The following KIF26B variants were observed in gnomAD, a reference collection of about 807,000 sequenced individuals.
KIF26B encodes kinesin family member 26B, also known as kinesin-like protein KIF26B.
Under a neutral mutation model 151.2 loss-of-function variants are expected in KIF26B, and 63 were observed. The observed-to-expected ratio is 0.42, with a 90% CI of 0.34 to 0.51. The LOEUF (loss-of-function observed/expected upper bound fraction) is 0.51. KIF26B is among the 20% of genes least tolerant of loss of function. The probability of loss-of-function intolerance (pLI) is 0.07; values close to 1 mark genes in which losing one functional copy is unlikely to be tolerated. For missense variants in KIF26B, 2,813 were observed against 2,913.6 expected, an observed-to-expected ratio of 0.97 and a Z score of 0.79; for synonymous variants, 1,357 against 1,262.1, an observed-to-expected ratio of 1.08 and a Z score of -1.59.
At chr1:245,679,258 C>T (rs927898408) in intron 10 of KIF26B, among the ~76,000 whole-genome samples, 1 of 152,030 alleles carries the variant, frequency 6.6e-6, no homozygotes, top group African/African-American at 2.4e-5. Flanking sequence ...GGCAGTGTGC[C>T]AGCTTGGGCC....
At position 245,375,872 on chromosome 1, in the gene KIF26B, A is replaced by G. The variant is rs1429784911; in HGVS notation, c.999+8505A>G. 6.6e-6 allele frequency among the ~76,000 whole-genome samples: 1 copy of G among 152,180 alleles called. No homozygotes were observed. The highest frequency in any genetic ancestry group is 1.5e-5 in the Non-Finnish European group (1 of 68,030). On this transcript the variant is annotated intron_variant, in intron 3 of 14. Transcript: ENST00000407071. The surrounding 1 kb of genome is among the most constrained non-coding windows in gnomAD (Gnocchi z 4.2). ...CGTTACCCTGCGGATCGGCCGGTCC[A>G]TGCACAAGTCAGATTCTTTCATCTG...
chr1:245,322,159 A>C (rs1671898540), intron 2 of KIF26B, among the ~76,000 whole-genome samples: 1 of 152,108 alleles, frequency 6.6e-6, no homozygotes, highest in African/African-American at 2.4e-5. Context: ...GCTCATAAGT[A>C]GGAGTTGAAC....
chr1:245,576,001 T>G (rs941916464), intron 5 of KIF26B, among the ~76,000 whole-genome samples: 1 of 152,126 alleles, frequency 6.6e-6, no homozygotes, highest in East Asian at 1.9e-4. Flanking sequence ...TGCCTGCACC[T>G]CCACTCCTGC....
At position 245,602,831 on chromosome 1, in the gene KIF26B, A is replaced by G; in HGVS notation, c.1557+48A>G. 6.4e-7 allele frequency: 1 copy of G among 1,556,988 alleles called. No homozygotes were observed. The highest frequency in any genetic ancestry group is 8.9e-7 in the Non-Finnish European group (1 of 1,129,682). On this transcript the variant is annotated intron_variant, in intron 6 of 14. Coordinates refer to ENST00000407071, the MANE Select transcript of KIF26B (RefSeq NM_018012.4). This position sits in a 1 kb window ranked among gnomAD's most constrained non-coding sequence, Gnocchi z 4.5. ...GCTCAGGCAACGTTGATGAAAGGGC[A>G]ACGTTTACTCATTCACAAGGGCCCT...
chr1:245,212,052 G>A (rs571047497), intron 2 of KIF26B, among the ~76,000 whole-genome samples: 2 of 152,130 alleles, frequency 1.3e-5, no homozygotes, highest in Non-Finnish European at 2.9e-5. Context: ...CCCCTTAGCC[G>A]TGGCCCAGGG....
At chr1:245,603,664 T>TGGGCTAGTTC (rs2043420869) in intron 6 of KIF26B, among the ~76,000 whole-genome samples, 1 of 152,108 alleles carries the variant, frequency 6.6e-6, no homozygotes, top group Non-Finnish European at 1.5e-5. Flanking sequence ...CAGGCTAGCT[T>TGGGCTAGTTC]GGGCTAGTTC....
intron 4 of KIF26B, among the ~76,000 whole-genome samples, chr1:245,480,266 C>T (rs1660137269): frequency 8.9e-6 from 1 of 111,900 alleles, no homozygotes; most frequent in Admixed American, 9.0e-5. Flanking sequence ...GCAACAAAGA[C>T]CCTGTCTCGG....
rs1322771556 is a variant in KIF26B, at chr1:245,156,274, C to T, written c.64-8C>T. On this transcript the variant is annotated splice_region_variant and splice_polypyrimidine_tract_variant and intron_variant, in intron 1 of 14. Transcript: ENST00000407071. ...GCAGCCCCTGACACCGGCGTGTCTT[C>T]CCCGCAGGTGAATGAAGTCTGCTCG... 12 of 1,545,260 alleles carry T rather than the reference C, an allele frequency of 7.8e-6. No homozygotes were observed. The highest frequency in any genetic ancestry group is 1.4e-5 in the African/African-American group (1 of 72,494).
In KIF26B at chr1:245,673,420, ATCTTAGGCCCAGTCCCCGCTGCG is replaced by A. The variant is rs1355415526; in HGVS notation, c.2259-10812_2259-10790del. 2.0e-5 allele frequency among the ~76,000 whole-genome samples: 3 copies of A among 150,106 alleles called. No individual in the cohort carries two copies. In the East Asian group the frequency reaches 5.9e-4, roughly 29 times the overall value. Reference sequence around the variant, plus strand: ...GGCCCAGTCCCCGCTGCGCGCTGCCATCTTAGGCCCAGTCCCCGCTGCGCGCTGCCATCTTAGGGTTTTGCTTA... The same window carrying A: ...GGCCCAGTCCCCGCTGCGCGCTGCCACGCTGCCATCTTAGGGTTTTGCTTA... On this transcript the variant is annotated intron_variant, in intron 10 of 14. Coordinates refer to ENST00000407071, the MANE Select transcript of KIF26B (RefSeq NM_018012.4).
chr1:245,677,643 A>G (rs142741147), intron 10 of KIF26B, among the ~76,000 whole-genome samples: 65 of 152,378 alleles, frequency 4.3e-4, no homozygotes, highest in East Asian at 9.6e-4. Context: ...TGTTGCCAAG[A>G]CAAGGCCACT....
chr1:245,319,360 C>T (rs1307351027), intron 2 of KIF26B, among the ~76,000 whole-genome samples: 7 of 152,236 alleles, frequency 4.6e-5, no homozygotes, highest in Admixed American at 1.3e-4. Flanking sequence ...TCTTGCTCAG[C>T]ATTTGTCGTG....
intron 2 of KIF26B, among the ~76,000 whole-genome samples, chr1:245,250,396 C>T (rs1670421536): frequency 6.6e-6 from 1 of 152,208 alleles, no homozygotes; most frequent in African/African-American, 2.4e-5. Flanking sequence ...GTATAACTTT[C>T]TGATGAATGA....
intron 2 of KIF26B, among the ~76,000 whole-genome samples, chr1:245,301,435 T>C (rs1208492873): frequency 6.6e-6 from 1 of 152,202 alleles, no homozygotes. Context: ...GAGATATTCC[T>C]GGCGTCTCTT....
chr1:245,610,937 A>T (rs1286077385), intron 8 of KIF26B, among the ~76,000 whole-genome samples: 1 of 152,212 alleles, frequency 6.6e-6, no homozygotes, highest in Non-Finnish European at 1.5e-5. Context: ...ACCTTAAGAC[A>T]TGTACTGCAA....
At chr1:245,216,975 G>T (rs1214017535) in intron 2 of KIF26B, among the ~76,000 whole-genome samples, 1 of 152,178 alleles carries the variant, frequency 6.6e-6, no homozygotes, top group East Asian at 1.9e-4. Flanking sequence ...GGAGCCAACT[G>T]CAGTCCCTGG....
chr1:245,329,292 G>C lies in KIF26B; in HGVS notation c.466-37542G>C, dbSNP rs1311202333. 2.0e-5 allele frequency among the ~76,000 whole-genome samples: 3 copies of C among 152,230 alleles called. No homozygotes were observed. In the South Asian group the frequency reaches 6.2e-4, roughly 32 times the overall value. ...GAGAATTGCCAGGCCTCAGGGAAGTGTCTGCTTTTCAGGGAAGTCCGCCCA... is the reference window on the plus strand; with the variant it reads ...GAGAATTGCCAGGCCTCAGGGAAGTCTCTGCTTTTCAGGGAAGTCCGCCCA... On this transcript the variant is annotated intron_variant, in intron 2 of 14. Transcript: ENST00000407071.
intron 2 of KIF26B, among the ~76,000 whole-genome samples, chr1:245,158,806 A>G (rs1270107408): frequency 6.6e-6 from 1 of 151,718 alleles, no homozygotes; most frequent in African/African-American, 2.4e-5. Flanking sequence ...AATTTTAACT[A>G]CAAAATTTCT....
At chr1:245,634,169 G>A (rs1464784095) in intron 9 of KIF26B, among the ~76,000 whole-genome samples, 1 of 152,170 alleles carries the variant, frequency 6.6e-6, no homozygotes. Flanking sequence ...ATTGATTTTT[G>A]TCCATTGACC....
At position 245,419,720 on chromosome 1, in the gene KIF26B, T is replaced by C. The variant is rs1178197899; in HGVS notation, c.1141T>C (p.Ser381Pro). ...CVASETSTGT[S>P]VAASFFARAA... Reference sequence around the variant, plus strand: ...GGCCAGCGAGACTTCCACAGGCACATCGGTGGCCGCCTCCTTCTTTGCACG... The same window carrying C: ...GGCCAGCGAGACTTCCACAGGCACACCGGTGGCCGCCTCCTTCTTTGCACG... Residue 381 changes from serine (S) to proline (P), a missense_variant, in exon 4 of 15, where the codon TCG becomes CCG. Ser to Pro is a moderately conservative substitution (Grantham distance 74). This residue lies in a region of KIF26B where 676 missense variants were observed against 688.1 expected (regional missense o/e 0.98). Transcript: ENST00000407071. The C allele has an allele frequency of 3.7e-6, 6 of 1,612,760 alleles. No individual in the cohort carries two copies. In the Admixed American group the frequency reaches 8.4e-5, roughly 22 times the overall value.
Sources: gnomAD v4.1 joint callset for allele counts (sites outside exome capture counted in the v4.1 genomes callset) on GRCh38, gnomAD v4.1.1 for gene constraint, gnomAD v4.1.1 regional missense constraint, Gnocchi (gnomAD v3.1) non-coding constraint, MANE v1.5 for transcripts, NCBI Gene and HGNC (gene_info 2026-07-23, HGNC 2026-07-21) for gene names.